Variants in THSD7A observed in about 807,000 individuals in gnomAD.
THSD7A encodes thrombospondin type-1 domain-containing protein 7A.
In THSD7A, 96 loss-of-function variants were observed where a neutral mutation model predicts 231.3. The observed-to-expected ratio is 0.41, with a 90% CI of 0.35 to 0.49. THSD7A has a LOEUF of 0.49. Ranked by LOEUF, THSD7A falls within the 20% of genes least tolerant of loss-of-function variation. The pLI is 0.05. For synonymous variants in THSD7A, 940 were observed against 743.3 expected, an observed-to-expected ratio of 1.26 and a Z score of -4.30; for missense variants, 2,290 against 2,070.2, an observed-to-expected ratio of 1.11 and a Z score of -2.06.
At chr7:11,482,098 A>G in intron 6 of THSD7A, 116 bp from the exon 7 acceptor site, 1 of 1,174,194 alleles carries the variant, frequency 8.5e-7, no homozygotes, top group Non-Finnish European at 1.2e-6. Context: ...CTTACTTAAA[A>G]AAACGTAGCC....
intron 1 of THSD7A, among the ~76,000 whole-genome samples, chr7:11,774,087 T>C (rs141070795): frequency 2.0e-5 from 3 of 152,290 alleles, no homozygotes; most frequent in East Asian, 3.9e-4. Flanking sequence ...TTTTTCACAA[T>C]GCTAGTAGGA....
At chr7:11,587,361 C>A (rs2189634) in intron 4 of THSD7A, among the ~76,000 whole-genome samples, 1 of 151,894 alleles carries the variant, frequency 6.6e-6, no homozygotes, top group African/African-American at 2.4e-5. Context: ...ACTTGTCAAG[C>A]CTTTCTTCTA....
intron 11 of THSD7A, among the ~76,000 whole-genome samples, chr7:11,449,207 A>G (rs1356846008): frequency 6.6e-6 from 1 of 152,026 alleles, no homozygotes; most frequent in Non-Finnish European, 1.5e-5. Context: ...TGATGATTTA[A>G]TTATCCAAGC....
At chr7:11,664,075 T>A (rs1204440071) in intron 1 of THSD7A, among the ~76,000 whole-genome samples, 1 of 151,730 alleles carries the variant, frequency 6.6e-6, no homozygotes, top group Non-Finnish European at 1.5e-5. Flanking sequence ...AATCTGAATC[T>A]CCCCTTCTTT....
Position 11,701,865 on chromosome 7 carries a change from A to G in THSD7A, c.191-64904T>C, listed in dbSNP as rs575738023. On this transcript the variant is annotated intron_variant, in intron 1 of 27. Coordinates refer to ENST00000423059, the MANE Select transcript of THSD7A (RefSeq NM_015204.3). ...GGCTATCACAAAATCCAGCTTCTCA[A>G]TCAGTCTCTCTACCTCTCTAACTCT... Among the ~76,000 whole-genome samples the G allele has an allele frequency of 5.9e-5, 9 of 151,312 alleles. No homozygotes were observed. In the East Asian group the frequency reaches 1.6e-3, roughly 27 times the overall value.
At chr7:11,712,492 C>T (rs946998030) in intron 1 of THSD7A, among the ~76,000 whole-genome samples, 3 of 150,994 alleles carry the variant, frequency 2.0e-5, no homozygotes, top group African/African-American at 7.3e-5. Flanking sequence ...AAAAGGTCGA[C>T]ATTTTGATAC....
chr7:11,788,234 C>T (rs190199990), intron 1 of THSD7A, among the ~76,000 whole-genome samples: 39 of 152,160 alleles, frequency 2.6e-4, no homozygotes, highest in African/African-American at 9.4e-4. Flanking sequence ...TTTTTAGTAT[C>T]TTCCTTCCAC....
intron 1 of THSD7A, among the ~76,000 whole-genome samples, chr7:11,792,049 T>C (rs1783967930): frequency 6.6e-6 from 1 of 151,966 alleles, no homozygotes; most frequent in African/African-American, 2.4e-5. Context: ...TCTCTGTATA[T>C]TTCCCACTAT....
intron 16 of THSD7A, among the ~76,000 whole-genome samples, chr7:11,421,590 T>G (rs919513821): frequency 6.6e-6 from 1 of 152,218 alleles, no homozygotes; most frequent in African/African-American, 2.4e-5. Flanking sequence ...ATACTCATTT[T>G]AAGAAAATCA....
chr7:11,407,266 C>G, intron 20 of THSD7A, 40 bp downstream of exon 20: 2 of 1,536,352 alleles, frequency 1.3e-6, no homozygotes, highest in Non-Finnish European at 1.8e-6. Context: ...TTTCATATTC[C>G]TTGACCAGTA....
At chr7:11,733,747 C>A (rs4719283) in intron 1 of THSD7A, among the ~76,000 whole-genome samples, 110,679 of 151,676 alleles carry the variant, frequency 0.73, 40,439 homozygotes, top group South Asian at 0.79. Flanking sequence ...CATAGAAGGC[C>A]GAAATTAAGG....
chr7:11,522,605 A>G (rs573589300), intron 6 of THSD7A, among the ~76,000 whole-genome samples: 1 of 149,662 alleles, frequency 6.7e-6, no homozygotes, highest in South Asian at 2.1e-4. Flanking sequence ...CTTATTAGAG[A>G]ATTTTGTATC....
intron 1 of THSD7A, among the ~76,000 whole-genome samples, chr7:11,826,936 C>T (rs1785050056): frequency 6.6e-6 from 1 of 151,870 alleles, no homozygotes; most frequent in East Asian, 1.9e-4. Context: ...ATTATTCACA[C>T]AAAGATAAGT....
intron 1 of THSD7A, among the ~76,000 whole-genome samples, chr7:11,783,030 C>A (rs1372124691): frequency 6.6e-6 from 1 of 152,032 alleles, no homozygotes; most frequent in Non-Finnish European, 1.5e-5. Context: ...GTGAAGAAAA[C>A]ATTGGTAGAA....
intron 6 of THSD7A, among the ~76,000 whole-genome samples, chr7:11,529,066 T>C (rs562233162): frequency 6.6e-6 from 1 of 152,238 alleles, no homozygotes; most frequent in African/African-American, 2.4e-5. Flanking sequence ...ACACATTCAG[T>C]ATAGTTCTTA....
In THSD7A at chr7:11,601,614, C is replaced by T. The variant is rs116624487; in HGVS notation, c.1023-8112G>A. Among the ~76,000 whole-genome samples, 324 of 152,280 alleles carry T rather than the reference C, an allele frequency of 2.1e-3. 3 individuals are homozygous for T. The highest frequency in any genetic ancestry group is 7.2e-3 in the African/African-American group (299 of 41,548). On this transcript the variant is annotated intron_variant, in intron 2 of 27. Coordinates refer to ENST00000423059, the MANE Select transcript of THSD7A (RefSeq NM_015204.3). ...CAACTCATCTTGCATCTGAACTGTGCTGCATGGACATCTAGGAGAATTTCA... is the reference window on the plus strand; with the variant it reads ...CAACTCATCTTGCATCTGAACTGTGTTGCATGGACATCTAGGAGAATTTCA...
chr7:11,410,628 T>G (rs1783751136), intron 19 of THSD7A: 1 of 152,230 alleles, frequency 6.6e-6, no homozygotes, highest in Admixed American at 6.5e-5. Context: ...CGCTCACATC[T>G]AGGTGTGACA....
intron 1 of THSD7A, among the ~76,000 whole-genome samples, chr7:11,680,350 T>C (rs931638418): frequency 2.0e-5 from 3 of 151,956 alleles, no homozygotes; most frequent in African/African-American, 7.3e-5. Flanking sequence ...AATTGACAAA[T>C]GGGATCTAAT....
At chr7:11,786,515 G>C (rs759681516) in intron 1 of THSD7A, among the ~76,000 whole-genome samples, 15 of 151,946 alleles carry the variant, frequency 9.9e-5, no homozygotes, top group Non-Finnish European at 2.2e-4. Context: ...GCTACAAAAG[G>C]TATGAAAGCA....
Sources: gnomAD v4.1 joint callset for allele counts (sites outside exome capture counted in the v4.1 genomes callset) on GRCh38, gnomAD v4.1.1 for gene constraint, MANE v1.5 for transcripts, NCBI Gene and HGNC (gene_info 2026-07-23, HGNC 2026-07-21) for gene names.